TMEM132C: variants seen among roughly 807,000 people sequenced by gnomAD.
TMEM132C encodes transmembrane protein 132C, also known as protein phosphatase 1, regulatory subunit 152.
TMEM132C carries 29 observed loss-of-function variants against 61.4 expected under a neutral mutation model. That is an observed-to-expected ratio of 0.47 (90% CI 0.35 to 0.64). The LOEUF is 0.64. Among genes scored for constraint, TMEM132C ranks in the 30% least tolerant of loss-of-function variants. TMEM132C has a pLI of 0.00. For missense variants in TMEM132C, 1,408 were observed against 1,476.9 expected, an observed-to-expected ratio of 0.95 and a Z score of 0.76; for synonymous variants, 656 against 633.1, an observed-to-expected ratio of 1.04 and a Z score of -0.54.
chr12:128,595,256 G>A (rs1479376015), intron 3 of TMEM132C, among the ~76,000 whole-genome samples: 1 of 152,190 alleles, frequency 6.6e-6, no homozygotes, highest in Non-Finnish European at 1.5e-5. Flanking sequence ...GACCACCTTG[G>A]TGTCATAATA....
chr12:128,559,395 C>T (rs963819913), intron 3 of TMEM132C, among the ~76,000 whole-genome samples: 6 of 151,840 alleles, frequency 4.0e-5, no homozygotes, highest in Admixed American at 2.0e-4. Context: ...TTTTTTTTGC[C>T]TGGAAGTACT....
intron 8 of TMEM132C, among the ~76,000 whole-genome samples, chr12:128,704,613 T>C (rs1954823759): frequency 6.6e-6 from 1 of 152,176 alleles, no homozygotes; most frequent in Non-Finnish European, 1.5e-5. Flanking sequence ...ATGTCATTGG[T>C]TCTGACAGTG....
At chr12:128,690,792 C>T (rs1954714071) in intron 5 of TMEM132C, among the ~76,000 whole-genome samples, 1 of 152,088 alleles carries the variant, frequency 6.6e-6, no homozygotes, top group African/African-American at 2.4e-5. Context: ...CCCATCCCAA[C>T]TGCTCCCTGC....
chr12:128,600,745 G>T (rs866181862), intron 3 of TMEM132C, among the ~76,000 whole-genome samples: 59 of 152,338 alleles, frequency 3.9e-4, no homozygotes, highest in African/African-American at 1.1e-3. Flanking sequence ...GCCCACCATG[G>T]ACCACAATGA....
intron 3 of TMEM132C, among the ~76,000 whole-genome samples, chr12:128,552,876 C>A (rs942148062): frequency 1.3e-5 from 2 of 152,144 alleles, no homozygotes; most frequent in Admixed American, 6.5e-5. Flanking sequence ...CCAGTACACT[C>A]TAGCTTGGGC....
intron 1 of TMEM132C, among the ~76,000 whole-genome samples, chr12:128,379,802 C>CAT (rs1357613190): frequency 6.6e-6 from 1 of 152,192 alleles, no homozygotes; most frequent in East Asian, 1.9e-4. Flanking sequence ...TGGGCATGGA[C>CAT]ATATGCTTTT....
intron 1 of TMEM132C, among the ~76,000 whole-genome samples, chr12:128,295,367 A>G (rs1167722508): frequency 6.6e-6 from 1 of 152,288 alleles, no homozygotes; most frequent in East Asian, 1.9e-4. Flanking sequence ...AGCTATAGCT[A>G]TTCACTAAGA....
intron 1 of TMEM132C, among the ~76,000 whole-genome samples, chr12:128,408,928 G>T (rs1868416077): frequency 6.6e-6 from 1 of 152,194 alleles, no homozygotes; most frequent in Non-Finnish European, 1.5e-5. Context: ...GAGCCAGGCT[G>T]CCCCATATGC....
intron 2 of TMEM132C, among the ~76,000 whole-genome samples, chr12:128,480,325 T>C (rs991055287): frequency 6.6e-6 from 1 of 152,258 alleles, no homozygotes; most frequent in African/African-American, 2.4e-5. Flanking sequence ...ATTTGGCTTC[T>C]GTGATTATTC....
In TMEM132C at chr12:128,705,601, G is replaced by T; in HGVS notation, c.2633G>T (p.Arg878Met). 6.4e-7 allele frequency: 1 copy of T among 1,551,132 alleles called. No individual in the cohort carries two copies. The highest frequency in any genetic ancestry group is 8.7e-7 in the Non-Finnish European group (1 of 1,147,004). Residue 878 changes from arginine to methionine, a missense_variant, in exon 9 of 9, where the codon AGG becomes ATG. By Grantham distance (91) the Arg-to-Met change is moderately conservative (BLOSUM62 -1). Coordinates refer to ENST00000435159, the MANE Select transcript of TMEM132C (RefSeq NM_001136103.3). ...AAGAACAGTCGGGCAGACGGGGGCA[G>T]GCTGGCAGGAGAGGGGCAGCTGCAG... ...VVKNSRADGGRLAGEGQLQNI... is the reference protein window; with the variant it reads ...VVKNSRADGGMLAGEGQLQNI...
chr12:128,267,338 G>A lies in TMEM132C; in HGVS notation c.-65G>A, dbSNP rs1297555299. The A allele has an allele frequency of 5.2e-6, 5 of 964,716 alleles. No homozygotes were observed. The African/African-American group carries it at 5.3e-5, about 10-fold the overall frequency. The allele number at this position is 964,716 out of a possible 1,614,324, so 59.8% of individuals were successfully genotyped here. A position where few individuals can be genotyped will look rare whatever the true frequency, so the allele number is the denominator to read the frequency against. On this transcript the variant is annotated 5_prime_UTR_variant, in exon 1 of 9. Transcript: ENST00000435159. ...TGGCCCCGGGCATGGGGCGGCCGGC[G>A]GGGGCCGCGGGCGGGCGCTGCGCTT...
chr12:128,511,512 G>A (rs1872562925), intron 2 of TMEM132C, among the ~76,000 whole-genome samples: 1 of 152,196 alleles, frequency 6.6e-6, no homozygotes, highest in South Asian at 2.1e-4. Context: ...GCCATCTAAG[G>A]GAAGAAGCAT....
chr12:128,392,064 T>TTC (rs34334973), intron 1 of TMEM132C, among the ~76,000 whole-genome samples: 8,107 of 130,274 alleles, frequency 0.062, 294 homozygotes, highest in African/African-American at 0.13. Context: ...CTCTCTCTCT[T>TTC]TCTCTCTCTC....
In TMEM132C at chr12:128,677,706, A is replaced by G. The variant is rs963778516; in HGVS notation, c.1449+8146A>G. ...TGCCTTCCGCAGGACTCCTGCAGCC[A>G]TGGGTTGCTAGGCACTGCCCAGGAC... On this transcript the variant is annotated intron_variant, in intron 5 of 8. Transcript: ENST00000435159. Among the ~76,000 whole-genome samples the G allele has an allele frequency of 4.6e-5, 7 of 152,166 alleles. No homozygotes were observed. In the East Asian group the frequency reaches 1.3e-3, roughly 29 times the overall value.
rs60404406 is a variant in TMEM132C, at chr12:128,622,361, A to AAAATG, written c.1305+6026_1305+6027insAAATG. The stretch of plus-strand genomic sequence containing the variant: ...TTTGTCTCAAAAAAAAAAAAAAAAA[A>AAAATG]TATATATATATATATATATATATAT... On this transcript the variant is annotated intron_variant, in intron 4 of 8. Coordinates refer to ENST00000435159, the MANE Select transcript of TMEM132C (RefSeq NM_001136103.3). 1.0e-4 allele frequency among the ~76,000 whole-genome samples: 4 copies of AAAATG among 38,160 alleles called. 1 individual carries two copies. Among genetic ancestry groups the AAAATG allele is most frequent in the African/African-American group, 4.0e-4 (4 of 9,896 alleles). 25.0% of individuals were successfully genotyped at this position (38,160 alleles called of 152,430 possible).
intron 3 of TMEM132C, among the ~76,000 whole-genome samples, chr12:128,552,180 T>C (rs1043616721): frequency 7.2e-5 from 11 of 152,246 alleles, no homozygotes; most frequent in African/African-American, 2.7e-4. Context: ...CTTCAACCGG[T>C]TCACTTATGT....
chr12:128,460,885 A>T (rs1870510384), intron 2 of TMEM132C, among the ~76,000 whole-genome samples: 1 of 152,108 alleles, frequency 6.6e-6, no homozygotes, highest in African/African-American at 2.4e-5. Flanking sequence ...CTTACCAAGA[A>T]AAAAAGGCAG....
chr12:128,661,471 A>G (rs6486710), intron 4 of TMEM132C, among the ~76,000 whole-genome samples: 107,663 of 151,778 alleles, frequency 0.71, 38,322 homozygotes, highest in East Asian at 0.8. Flanking sequence ...TATGATGACA[A>G]CTGCTTGGAA....
At chr12:128,341,900 C>G (rs998261051) in intron 1 of TMEM132C, among the ~76,000 whole-genome samples, 14 of 152,176 alleles carry the variant, frequency 9.2e-5, no homozygotes, top group African/African-American at 3.4e-4. Context: ...CAACTAATAT[C>G]TATATATTAC....
Sources: gnomAD v4.1 joint callset for allele counts (sites outside exome capture counted in the v4.1 genomes callset) on GRCh38, gnomAD v4.1.1 for gene constraint, MANE v1.5 for transcripts, NCBI Gene and HGNC (gene_info 2026-07-23, HGNC 2026-07-21) for gene names.